LEPR: variants seen among roughly 807,000 people sequenced by gnomAD.
LEPR encodes OB receptor.
LEPR carries 56 observed loss-of-function variants against 114.7 expected under a neutral mutation model. The observed-to-expected ratio is 0.49, with a 90% CI of 0.39 to 0.61. The LOEUF is 0.61. Among genes scored for constraint, LEPR ranks in the 20% least tolerant of loss-of-function variants. The probability of loss-of-function intolerance (pLI) is 0.00; values close to 1 mark genes in which losing one functional copy is unlikely to be tolerated. For synonymous variants in LEPR, 443 were observed against 461.4 expected (o/e 0.96, Z 0.51); for missense variants, 1,202 against 1,352.9 (o/e 0.89, Z 1.75).
At chr1:65,551,905 G>A (rs554729235) in intron 2 of LEPR, among the ~76,000 whole-genome samples, 3 of 152,234 alleles carry the variant, frequency 2.0e-5, no homozygotes, top group South Asian at 4.1e-4. Flanking sequence ...GGTACGTTGT[G>A]TCTTTGTTCT....
intron 15 of LEPR, 76 bp downstream of exon 15, chr1:65,616,300 A>G (rs1657520098): frequency 1.4e-6 from 2 of 1,449,318 alleles, no homozygotes; most frequent in Non-Finnish European, 1.9e-6. Context: ...ATTTTAAATT[A>G]TCTTTCAAGC....
chr1:65,623,457 A>G (rs1359953067), intron 19 of LEPR: 1 of 152,556 alleles, frequency 6.6e-6, no homozygotes, highest in Non-Finnish European at 1.5e-5. Context: ...ATATTTATGC[A>G]GAAGTTCCAT....
chr1:65,575,842 A>C (rs1187849758), intron 5 of LEPR, among the ~76,000 whole-genome samples: 1 of 151,476 alleles, frequency 6.6e-6, no homozygotes, highest in African/African-American at 2.5e-5. Flanking sequence ...TTCCTTCTAT[A>C]AGCAAGAAAT....
At chr1:65,433,001 T>C (rs1377966121) in intron 2 of LEPR, 2 of 985,400 alleles carry the variant, frequency 2.0e-6, no homozygotes, top group East Asian at 2.3e-4. Context: ...GGAACAGATG[T>C]ATCTTTTCAT....
chr1:65,636,837 C>A lies in LEPR; in HGVS notation c.3320C>A (p.Pro1107His), dbSNP rs757397181. The change falls in exon 20 of 20, where the codon CCC becomes CAC. Residue 1107 changes from proline to histidine, a missense_variant. Transcript: ENST00000349533. ...KSRVSCPFPA[P>H]CLFTDIRVLQ... ...AGGGTATCGTGCCCATTCCCAGCCC[C>A]CTGTTTATTCACGGACATCAGAGTT... The A allele has an allele frequency of 1.9e-5, 31 of 1,612,968 alleles. No individual in the cohort carries two copies. The highest frequency in any genetic ancestry group is 2.6e-5 in the Non-Finnish European group (31 of 1,179,640).
rs927451840 is a variant in LEPR, at chr1:65,565,413, A to G, written c.-20-133A>G. On this transcript the variant is annotated intron_variant, in intron 2 of 19. Transcript: ENST00000349533. ...ATTTTACGTGAGATATTTCTCAGAT[A>G]TTGATCTAGAGTATCACATGTAAAT... 29 of 794,846 alleles carry G rather than the reference A, an allele frequency of 3.6e-5. No homozygotes were observed. The East Asian group carries it at 7.8e-4, about 21-fold the overall frequency. 49.2% of individuals were successfully genotyped at this position (794,846 alleles called of 1,614,324 possible).
chr1:65,607,612 A>G (rs909153403), intron 11 of LEPR, among the ~76,000 whole-genome samples: 5 of 152,386 alleles, frequency 3.3e-5, no homozygotes, highest in Middle Eastern at 6.8e-3. Flanking sequence ...AGACATGACT[A>G]TGTAAATGTA....
chr1:65,586,229 A>T (rs1311524588), intron 5 of LEPR, among the ~76,000 whole-genome samples: 1 of 150,996 alleles, frequency 6.6e-6, no homozygotes, highest in East Asian at 1.9e-4. Flanking sequence ...CAGTTTTCTT[A>T]CCTGTAAAGT....
At chr1:65,437,733 G>T (rs1646584226) in intron 2 of LEPR, among the ~76,000 whole-genome samples, 2 of 152,106 alleles carry the variant, frequency 1.3e-5, no homozygotes, top group Admixed American at 1.3e-4. Flanking sequence ...AAAATATAGT[G>T]GGGAAGGAGG....
rs1356752893 is a variant in LEPR at position 65,636,623 on chromosome 1, T to C, written c.3106T>C (p.Phe1036Leu). 6.2e-7 allele frequency: 1 copy of C among 1,613,510 alleles called. No individual in the cohort carries two copies. The highest frequency in any genetic ancestry group is 8.5e-7 in the Non-Finnish European group (1 of 1,179,794). Residue 1036 changes from phenylalanine (F) to leucine (L), a missense_variant, in exon 20 of 20, where the codon TTT (phenylalanine) becomes CTT (leucine). Transcript: ENST00000349533. ...CTCATGGGAGATAGAGGCCCAGGCA[T>C]TTTTTATATTATCAGATCAGCATCC... ...NSSWEIEAQA[F>L]FILSDQHPNI...
chr1:65,593,486 T>A (rs1321862430), intron 6 of LEPR, among the ~76,000 whole-genome samples: 1 of 152,132 alleles, frequency 6.6e-6, no homozygotes, highest in Non-Finnish European at 1.5e-5. Context: ...ATGTTAGCGC[T>A]ATGTATTTAA....
At chr1:65,524,803 G>T (rs1649817831) in intron 2 of LEPR, among the ~76,000 whole-genome samples, 3 of 152,066 alleles carry the variant, frequency 2.0e-5, no homozygotes, top group South Asian at 4.1e-4. Context: ...TTATCTGTCT[G>T]TCCTCCCACC....
At chr1:65,432,331 T>C in intron 2 of LEPR, 1 of 987,618 alleles carries the variant, frequency 1.0e-6, no homozygotes, top group African/African-American at 1.7e-5. Flanking sequence ...TAGTCCATGC[T>C]ATTAAAAGTG....
chr1:65,631,368 G>A (rs936819769), intron 19 of LEPR, among the ~76,000 whole-genome samples: 4 of 151,976 alleles, frequency 2.6e-5, no homozygotes, highest in African/African-American at 4.8e-5. Flanking sequence ...ATTTCTTCAC[G>A]CACTGTCTCC....
chr1:65,636,091 C>A, intron 19 of LEPR, 100 bp from the exon 20 acceptor site: 3 of 1,356,248 alleles, frequency 2.2e-6, no homozygotes, highest in South Asian at 1.2e-5. Context: ...GACTTATGTT[C>A]TTTATTATTA....
intron 2 of LEPR, among the ~76,000 whole-genome samples, chr1:65,455,677 C>T (rs1346135032): frequency 1.3e-5 from 2 of 152,204 alleles, no homozygotes; most frequent in African/African-American, 2.4e-5. Context: ...AACCACTGCT[C>T]TCTTCAAAGC....
intron 2 of LEPR, among the ~76,000 whole-genome samples, chr1:65,491,754 G>A (rs1382455724): frequency 6.6e-6 from 1 of 152,080 alleles, no homozygotes; most frequent in South Asian, 2.1e-4. Flanking sequence ...TTGTGAGCTG[G>A]GAACATTGAG....
intron 2 of LEPR, among the ~76,000 whole-genome samples, chr1:65,455,461 G>C (rs932530047): frequency 6.6e-6 from 1 of 152,140 alleles, no homozygotes; most frequent in African/African-American, 2.4e-5. Context: ...TGGGTTTTTG[G>C]TGTGGATGTC....
intron 1 of LEPR, among the ~76,000 whole-genome samples, chr1:65,423,738 T>A (rs1459491814): frequency 6.6e-6 from 1 of 152,164 alleles, no homozygotes; most frequent in African/African-American, 2.4e-5. Context: ...AAATCTTCTC[T>A]CAAGTAAAAG....
Sources: allele counts gnomAD v4.1 joint callset (sites outside exome capture counted in the v4.1 genomes callset), GRCh38; gene constraint gnomAD v4.1.1; transcripts MANE v1.5; gene names NCBI Gene and HGNC (gene_info 2026-07-23, HGNC 2026-07-21).